Variants in CD302 observed in about 807,000 individuals in gnomAD.
The protein encoded by CD302 is CD302 antigen.
CD302 carries 23 observed loss-of-function variants against 26.5 expected under a neutral mutation model. The observed-to-expected ratio is 0.87, with a 90% CI of 0.62 to 1.23. CD302 has a LOEUF of 1.23. CD302 is among the 50% of genes most tolerant of loss of function. The pLI, the probability that CD302 is intolerant of heterozygous loss-of-function variation, is 0.00. For missense variants in CD302, 290 were observed against 275.5 expected (o/e 1.05, Z -0.37); for synonymous variants, 90 against 99.4 (o/e 0.91, Z 0.56).
At chr2:159,777,297 GT>G (rs1432950408) in intron 5 of CD302, among the ~76,000 whole-genome samples, 2 of 152,124 alleles carry the variant, frequency 1.3e-5, no homozygotes, top group Non-Finnish European at 2.9e-5. Flanking sequence ...TCATTATCAG[GT>G]AAATGAAAAT....
At chr2:159,795,379 A>T (rs1194390228) in intron 1 of CD302, among the ~76,000 whole-genome samples, 1 of 152,222 alleles carries the variant, frequency 6.6e-6, no homozygotes, top group Non-Finnish European at 1.5e-5. Flanking sequence ...TAACTCACCT[A>T]AATTTTTTCA....
chr2:159,796,497 C>T (rs1304218761), intron 1 of CD302, among the ~76,000 whole-genome samples: 1 of 152,118 alleles, frequency 6.6e-6, no homozygotes, highest in Non-Finnish European at 1.5e-5. Context: ...CTTAATGCTC[C>T]CAATAGCCCC....
chr2:159,798,050 G>A (rs1016752896), intron 1 of CD302, 82 bp downstream of exon 1: 16 of 1,332,868 alleles, frequency 1.2e-5, no homozygotes, highest in Non-Finnish European at 1.3e-5. Context: ...GCCCTCGGGT[G>A]CGCGGGGACG....
intron 5 of CD302, among the ~76,000 whole-genome samples, chr2:159,775,198 T>C (rs1012427040): frequency 6.6e-6 from 1 of 152,244 alleles, no homozygotes. Flanking sequence ...GTTTTGTTCA[T>C]TGCTCTGTCT....
Position 159,770,949 on chromosome 2 carries a change from C to CATTTT in CD302, c.*897_*901dup, listed in dbSNP as rs1553790104. Reference sequence around the variant, plus strand: ...GGAAAATTACTCGTTTCAGCTTTTTCATTTTTTTACTCCCCAAATGATTTT... The same window carrying CATTTT: ...GGAAAATTACTCGTTTCAGCTTTTTCATTTTATTTTTTTACTCCCCAAATGATTTT... On this transcript the variant is annotated 3_prime_UTR_variant, in exon 6 of 6. Coordinates refer to ENST00000259053, the MANE Select transcript of CD302 (RefSeq NM_014880.5). The CATTTT allele has an allele frequency of 2.0e-5, 3 of 152,212 alleles. No individual in the cohort carries two copies. Among genetic ancestry groups the CATTTT allele is most frequent in the Non-Finnish European group, 4.4e-5 (3 of 67,952 alleles). The allele number at this position is 152,212 out of a possible 1,614,324, so 9.4% of individuals were successfully genotyped here.
intron 1 of CD302, 76 bp from the exon 2 acceptor site, chr2:159,783,545 T>G: frequency 8.7e-7 from 1 of 1,148,938 alleles, no homozygotes; most frequent in Non-Finnish European, 1.2e-6. Context: ...ATAAGGATAT[T>G]AGATACTAAA....
chr2:159,790,539 G>C (rs1022928708), intron 1 of CD302, among the ~76,000 whole-genome samples: 1 of 152,172 alleles, frequency 6.6e-6, no homozygotes, highest in African/African-American at 2.4e-5. Flanking sequence ...GGACACAGAA[G>C]TCATTTCCAG....
In CD302 at chr2:159,769,197, A is replaced by G. The variant is rs978829942; in HGVS notation, c.*2654T>C. On this transcript the variant is annotated 3_prime_UTR_variant, in exon 6 of 6. Coordinates refer to ENST00000259053, the MANE Select transcript of CD302 (RefSeq NM_014880.5). ...AAAATGTTATTCTGAATATCTGCCA[A>G]AGAATTATATTGTTATTACTAGCTA... The G allele has an allele frequency of 7.2e-5, 11 of 152,230 alleles. No individual in the cohort carries two copies. The highest frequency in any genetic ancestry group is 1.4e-4 in the African/African-American group (6 of 41,458). The allele number at this position is 152,230 out of a possible 1,614,324, so 9.4% of individuals were successfully genotyped here.
intron 1 of CD302, among the ~76,000 whole-genome samples, chr2:159,786,252 T>C (rs551217654): frequency 6.6e-6 from 1 of 152,234 alleles, no homozygotes; most frequent in South Asian, 2.1e-4. Context: ...AGTAGCTTAA[T>C]TTATCATCTC....
intron 5 of CD302, among the ~76,000 whole-genome samples, chr2:159,774,762 C>T (rs1456148348): frequency 1.3e-5 from 2 of 152,200 alleles, no homozygotes; most frequent in African/African-American, 2.4e-5. Flanking sequence ...TAGGTGCATC[C>T]GACTATGGAC....
At chr2:159,773,734 T>C (rs1708225520) in intron 5 of CD302, among the ~76,000 whole-genome samples, 1 of 152,176 alleles carries the variant, frequency 6.6e-6, no homozygotes, top group Non-Finnish European at 1.5e-5. Context: ...TAAAACAATG[T>C]GTAGTTTATA....
At chr2:159,790,233 C>T (rs1489851639) in intron 1 of CD302, among the ~76,000 whole-genome samples, 6 of 151,962 alleles carry the variant, frequency 3.9e-5, no homozygotes, top group Non-Finnish European at 7.4e-5. Context: ...ACAGATATTC[C>T]GAAGGTAGGA....
At chr2:159,773,668 A>C (rs1016269831) in intron 5 of CD302, among the ~76,000 whole-genome samples, 2 of 152,218 alleles carry the variant, frequency 1.3e-5, no homozygotes, top group Non-Finnish European at 2.9e-5. Flanking sequence ...AGCTAGCTGC[A>C]TACTACTAAA....
chr2:159,787,126 A>G (rs1466525516), intron 1 of CD302, among the ~76,000 whole-genome samples: 2 of 152,190 alleles, frequency 1.3e-5, no homozygotes, highest in African/African-American at 4.8e-5. Context: ...TAAACATTCT[A>G]TGCATACTTC....
intron 5 of CD302, among the ~76,000 whole-genome samples, chr2:159,776,012 CTTTT>C (rs71406197): frequency 1.2e-5 from 1 of 81,252 alleles, no homozygotes; most frequent in Admixed American, 2.0e-4. Context: ...CGGGTTTCAA[CTTTT>C]TTTTTTTTTT....
chr2:159,776,980 GCATGGCGGCC>G (rs1430256704), intron 5 of CD302, among the ~76,000 whole-genome samples: 1 of 152,222 alleles, frequency 6.6e-6, no homozygotes, highest in Admixed American at 6.5e-5. Context: ...GGGTGGCTGG[GCATGGCGGCC>G]CAACGCCTGT....
At chr2:159,778,764 CA>C (rs912854110) in intron 4 of CD302, among the ~76,000 whole-genome samples, 1 of 152,106 alleles carries the variant, frequency 6.6e-6, no homozygotes, top group African/African-American at 2.4e-5. Context: ...GCCTCAGCCT[CA>C]AAAAGTGCTG....
Position 159,783,348 on chromosome 2 carries a change from A to C in CD302, c.178+11T>G, listed in dbSNP as rs1033571349. On this transcript the variant is annotated intron_variant, in intron 2 of 5. Transcript: ENST00000259053. Reference sequence around the variant, plus strand: ...TGTGAAAAAACAAACAGAAAAGAATAAGCCTTTTACCATGGTCAGTACACT... The same window carrying C: ...TGTGAAAAAACAAACAGAAAAGAATCAGCCTTTTACCATGGTCAGTACACT... The C allele has an allele frequency of 6.4e-7, 1 of 1,562,522 alleles. No homozygotes were observed. The highest frequency in any genetic ancestry group is 8.6e-7 in the Non-Finnish European group (1 of 1,161,626).
At position 159,770,444 on chromosome 2, in the gene CD302, T is replaced by C. The variant is rs762117956; in HGVS notation, c.*1407A>G. 1 of 152,114 alleles carries C rather than the reference T, an allele frequency of 6.6e-6. No homozygotes were observed. The highest frequency in any genetic ancestry group is 1.5e-5 in the Non-Finnish European group (1 of 68,002). The allele number at this position is 152,114 out of a possible 1,614,324, so 9.4% of individuals were successfully genotyped here. ...TTGTGATGAGTGTTTTCGATTCATG[T>C]GGTCAATAAAAAGAGACTACACAAG... On this transcript the variant is annotated 3_prime_UTR_variant, in exon 6 of 6. Coordinates refer to ENST00000259053, the MANE Select transcript of CD302 (RefSeq NM_014880.5).
Sources: gnomAD v4.1 joint callset for allele counts (sites outside exome capture counted in the v4.1 genomes callset) on GRCh38, gnomAD v4.1.1 for gene constraint, MANE v1.5 for transcripts, NCBI Gene and HGNC (gene_info 2026-07-23, HGNC 2026-07-21) for gene names.